Variants in ANO1 observed in about 807,000 individuals in gnomAD.
ANO1 encodes anoctamin 1.
A neutral mutation model predicts 124.0 loss-of-function variants in ANO1; 59 were observed. The observed-to-expected ratio is 0.48, with a 90% CI of 0.39 to 0.59. ANO1 has a LOEUF of 0.59. Ranked by LOEUF, ANO1 falls within the 20% of genes least tolerant of loss-of-function variation. ANO1 has a pLI of 0.00. For missense variants in ANO1, 1,059 were observed against 1,328.0 expected (o/e 0.80, Z 3.15); for synonymous variants, 529 against 532.0 (o/e 0.99, Z 0.08).
At chr11:70,041,991 G>T (rs1857190219) in intron 1 of ANO1, among the ~76,000 whole-genome samples, 1 of 152,082 alleles carries the variant, frequency 6.6e-6, no homozygotes, top group Admixed American at 6.6e-5. Context: ...AGGAACTAGG[G>T]CACCTCAGAG....
At chr11:69,999,226 C>A (rs1300330920) in intron 1 of ANO1, among the ~76,000 whole-genome samples, 3 of 151,958 alleles carry the variant, frequency 2.0e-5, no homozygotes, top group Admixed American at 2.0e-4. Context: ...GGGAAGCAGG[C>A]ATATCATATG....
chr11:70,149,774 G>C lies in ANO1; in HGVS notation c.1323G>C (p.Thr441=). The C allele has an allele frequency of 6.2e-7, 1 of 1,613,710 alleles. No homozygotes were observed. Among genetic ancestry groups the C allele is most frequent in the Non-Finnish European group, 8.5e-7 (1 of 1,179,828 alleles). ...QMRLNYRWDL[T]GFEEEEEAVK... ...GACTCAACTACCGCTGGGACCTCAC[G>C]GGCTTTGAAGAGGAAGAGGTCAGTG... The change falls in exon 12 of 26, where the codon ACG becomes ACC. Residue 441 remains threonine (T), a synonymous_variant. Coordinates refer to ENST00000355303, the MANE Select transcript of ANO1 (RefSeq NM_018043.7).
At chr11:70,068,724 C>T (rs565201524) in intron 1 of ANO1, among the ~76,000 whole-genome samples, 2 of 152,210 alleles carry the variant, frequency 1.3e-5, no homozygotes, top group South Asian at 2.1e-4. Context: ...CTCGCTGGCA[C>T]GCCCCCTACT....
At chr11:70,134,844 A>G (rs1386740547) in intron 11 of ANO1, among the ~76,000 whole-genome samples, 4 of 152,196 alleles carry the variant, frequency 2.6e-5, no homozygotes, top group African/African-American at 9.6e-5. Context: ...AGAAGGCCCC[A>G]TGGGAAGGGT....
chr11:70,110,038 G>A (rs928904446), intron 6 of ANO1, among the ~76,000 whole-genome samples: 7 of 152,254 alleles, frequency 4.6e-5, no homozygotes, highest in African/African-American at 1.2e-4. Context: ...GGCTAGCTGC[G>A]GGATTTAGGA....
intron 1 of ANO1, chr11:70,085,325 G>T: frequency 9.0e-6 from 12 of 1,331,846 alleles, no homozygotes; most frequent in East Asian, 5.5e-5. Context: ...CCTTCCCCCT[G>T]AGCCCTCCCA....
chr11:70,095,402 GAAAGAAAGAAAGAAAGAAAGAAAGA>G (rs1274517989), intron 2 of ANO1, among the ~76,000 whole-genome samples: 4,561 of 48,272 alleles, frequency 0.094, 726 homozygotes, highest in Non-Finnish European at 0.15. Flanking sequence ...AAGAAAGAAA[GAAAGAAAGAAAGAAAGAAAGAAAGA>G]AAAGAAAAGA....
chr11:70,014,845 T>C (rs1159967338), intron 1 of ANO1: 1 of 149,318 alleles, frequency 6.7e-6, no homozygotes, highest in Non-Finnish European at 1.5e-5. Flanking sequence ...TTTTTTTCTT[T>C]TTTTTTTTTT....
intron 1 of ANO1, among the ~76,000 whole-genome samples, chr11:70,043,362 C>T (rs2135061876): frequency 6.6e-6 from 1 of 152,304 alleles, no homozygotes; most frequent in South Asian, 2.1e-4. Flanking sequence ...AGTAGTCCAA[C>T]ATACCTGTGC....
intron 1 of ANO1, among the ~76,000 whole-genome samples, chr11:69,992,129 A>G (rs2120305835): frequency 6.6e-6 from 1 of 152,286 alleles, no homozygotes; most frequent in Middle Eastern, 3.4e-3. Context: ...AGTCAGGTGG[A>G]TGAATGGATG....
At chr11:70,038,961 G>T (rs1857138201) in intron 1 of ANO1, among the ~76,000 whole-genome samples, 1 of 151,974 alleles carries the variant, frequency 6.6e-6, no homozygotes, top group Admixed American at 6.6e-5. Context: ...CAATACAGGA[G>T]AAAAAATGGA....
intron 1 of ANO1, among the ~76,000 whole-genome samples, chr11:70,019,165 G>T (rs1250246407): frequency 1.3e-5 from 2 of 151,982 alleles, no homozygotes; most frequent in African/African-American, 4.8e-5. Flanking sequence ...GGCCTCTGTG[G>T]AAGGGGTTTA....
At chr11:70,156,670 G>T (rs1294800572) in intron 15 of ANO1, among the ~76,000 whole-genome samples, 1 of 152,162 alleles carries the variant, frequency 6.6e-6, no homozygotes, top group African/African-American at 2.4e-5. Flanking sequence ...AAAGGCAGCT[G>T]GCATTACAAT....
intron 1 of ANO1, among the ~76,000 whole-genome samples, chr11:70,009,041 C>G (rs1856544586): frequency 6.6e-6 from 1 of 152,208 alleles, no homozygotes; most frequent in Non-Finnish European, 1.5e-5. Context: ...AACATTGGCC[C>G]CCGGAGAGTC....
intron 11 of ANO1, among the ~76,000 whole-genome samples, chr11:70,140,736 C>G (rs897769729): frequency 2.0e-5 from 3 of 152,132 alleles, no homozygotes; most frequent in African/African-American, 4.8e-5. Context: ...GTCTTAATTA[C>G]TATATTTTGT....
chr11:70,105,649 C>A, intron 4 of ANO1, 85 bp from the exon 5 acceptor site: 2 of 1,252,252 alleles, frequency 1.6e-6, no homozygotes, highest in Non-Finnish European at 2.3e-6. Context: ...CTAATGGGGA[C>A]AGTGTGGTTT....
chr11:70,135,844 C>T (rs1003023429), intron 11 of ANO1, among the ~76,000 whole-genome samples: 18 of 152,230 alleles, frequency 1.2e-4, no homozygotes, highest in African/African-American at 3.6e-4. Flanking sequence ...CTGTGATAAG[C>T]GCCTGTTGCG....
chr11:69,976,533 AAAAAAAAAAAAAAAAAAAAAAGAGAG>A, the ANO1 span, among the ~76,000 whole-genome samples: 1 of 30,936 alleles, frequency 3.2e-5, no homozygotes, highest in Admixed American at 3.8e-4. Flanking sequence ...AAAAAAAAAA[AAAAAAAAAAAAAAAAAAAAAAGAGAG>A]AGAGAGAGAG....
At chr11:69,994,105 C>G (rs60320916) in intron 1 of ANO1, among the ~76,000 whole-genome samples, 16 of 34,140 alleles carry the variant, frequency 4.7e-4, no homozygotes, top group Admixed American at 1.1e-3. Flanking sequence ...TGTCGTTAAC[C>G]CCCCCCCACA....
Sources: gnomAD v4.1 joint callset for allele counts (sites outside exome capture counted in the v4.1 genomes callset) on GRCh38, gnomAD v4.1.1 for gene constraint, MANE v1.5 for transcripts, NCBI Gene and HGNC (gene_info 2026-07-23, HGNC 2026-07-21) for gene names.